MYH15: variants seen among roughly 807,000 people sequenced by gnomAD.
The protein encoded by MYH15 is myosin heavy chain 15, also known as myosin-15.
In MYH15, 227 loss-of-function variants were observed where a neutral mutation model predicts 240.5. The observed-to-expected ratio is 0.94, with a 90% CI of 0.85 to 1.05. The LOEUF (loss-of-function observed/expected upper bound fraction) is 1.05. Ranked by LOEUF, MYH15 falls within the 50% of genes least tolerant of loss-of-function variation. The probability of loss-of-function intolerance (pLI) is 0.00; values close to 1 mark genes in which losing one functional copy is unlikely to be tolerated. For missense variants in MYH15, 2,217 were observed against 2,247.5 expected (o/e 0.99, Z 0.27); for synonymous variants, 785 against 796.7 (o/e 0.99, Z 0.25).
chr3:108,445,093 T>C (rs574277051), intron 21 of MYH15, among the ~76,000 whole-genome samples, 198 bp from the exon 22 acceptor site: 5 of 152,332 alleles, frequency 3.3e-5, no homozygotes, highest in African/African-American at 1.2e-4. Flanking sequence ...AGCAGTATTA[T>C]GGACTAGATA....
intron 22 of MYH15, among the ~76,000 whole-genome samples, chr3:108,442,517 T>C (rs1172052075): frequency 1.3e-5 from 2 of 152,150 alleles, no homozygotes; most frequent in Non-Finnish European, 2.9e-5. Context: ...GAACAGTTTT[T>C]GCTGCATTCC....
the MYH15 span, chr3:108,549,903 T>G: frequency 6.6e-6 from 1 of 152,060 alleles, no homozygotes; most frequent in Non-Finnish European, 1.5e-5. Flanking sequence ...GTCTTATCTA[T>G]CCACTTAAAC....
At chr3:108,446,758 C>T (rs1010475971) in intron 21 of MYH15, among the ~76,000 whole-genome samples, 172 of 152,262 alleles carry the variant, frequency 1.1e-3, no homozygotes, top group Non-Finnish European at 1.9e-3. Flanking sequence ...CAAAGCCAGT[C>T]CATAAACATG....
intron 6 of MYH15, among the ~76,000 whole-genome samples, chr3:108,496,090 A>G (rs994066014): frequency 1.8e-4 from 27 of 152,224 alleles, no homozygotes; most frequent in African/African-American, 6.5e-4. Flanking sequence ...AATATGTGGG[A>G]GCTCGTTTAT....
chr3:108,531,226 T>C (rs77590199), upstream of MYH15, among the ~76,000 whole-genome samples: 2,004 of 152,258 alleles, frequency 0.013, 45 homozygotes, highest in African/African-American at 0.046. Context: ...AGAAAGATAT[T>C]ATTATTTTTA....
At chr3:108,468,761 G>C (rs1209165515) in intron 14 of MYH15, among the ~76,000 whole-genome samples, 1 of 152,198 alleles carries the variant, frequency 6.6e-6, no homozygotes, top group African/African-American at 2.4e-5. Flanking sequence ...AACATTCACA[G>C]AACTTGTCAG....
In MYH15 at chr3:108,381,519, C is replaced by CTGT; in HGVS notation, c.*23_*25dup. On this transcript the variant is annotated 3_prime_UTR_variant, in exon 41 of 41. Coordinates refer to ENST00000693548, the MANE Select transcript of MYH15 (RefSeq NM_014981.3). ...CAGCACCTTCCTTGTACTTCTCCAG[C>CTGT]TGTTGTCCTTTCAAAGCAGGGGATG... is the stretch of plus-strand genomic sequence containing the variant. The CTGT allele has an allele frequency of 6.2e-7, 1 of 1,612,920 alleles. No individual in the cohort carries two copies. Among genetic ancestry groups the CTGT allele is most frequent in the Non-Finnish European group, 8.5e-7 (1 of 1,178,934 alleles).
intron 11 of MYH15, among the ~76,000 whole-genome samples, chr3:108,483,644 T>C (rs1318205606): frequency 6.6e-6 from 1 of 152,218 alleles, no homozygotes; most frequent in Non-Finnish European, 1.5e-5. Flanking sequence ...ATTTATATAC[T>C]AACATTCATA....
rs1422505188 is a variant in MYH15 at position 108,394,835 on chromosome 3, AG to A, written c.5134-680del. Among the ~76,000 whole-genome samples, 11 of 152,284 alleles carry A rather than the reference AG, an allele frequency of 7.2e-5. No homozygotes were observed. The East Asian group carries it at 9.6e-4, about 13-fold the overall frequency. On this transcript the variant is annotated intron_variant, in intron 35 of 40. Coordinates refer to ENST00000693548, the MANE Select transcript of MYH15 (RefSeq NM_014981.3). ...CTGTGTTTGAAGCCCAGCTTTTCTG[AG>A]GGTGTGAAAACTCGCAGTGTATATA...
chr3:108,422,339 C>T (rs1236542649), intron 27 of MYH15, among the ~76,000 whole-genome samples: 3 of 151,738 alleles, frequency 2.0e-5, no homozygotes, highest in Non-Finnish European at 4.4e-5. Context: ...TGCCTCAGCC[C>T]CCTGAGTAGG....
In MYH15 at chr3:108,495,804, C is replaced by T; in HGVS notation, c.687G>A (p.Leu229=). 6.2e-7 allele frequency: 1 copy of T among 1,611,830 alleles called. No individual in the cohort carries two copies. The highest frequency in any genetic ancestry group is 1.7e-4 in the Middle Eastern group (1 of 6,060). Reference sequence around the variant, plus strand: ...CAAAACGAGAGGAGTTGTCATTTCTCAGGGTTTTAGCATTTCCAAATGCTT... The same window carrying T: ...CAAAACGAGAGGAGTTGTCATTTCTTAGGGTTTTAGCATTTCCAAATGCTT... ...ILEAFGNAKT[L]RNDNSSRFGK... The change falls in exon 7 of 41, where the codon CTG becomes CTA. Residue 229 remains leucine (L), a synonymous_variant. Coordinates refer to ENST00000693548, the MANE Select transcript of MYH15 (RefSeq NM_014981.3).
At chr3:108,470,315 C>G in intron 13 of MYH15, 103 bp from the exon 14 acceptor site, 1 of 769,746 alleles carries the variant, frequency 1.3e-6, no homozygotes, top group Non-Finnish European at 2.0e-6. Context: ...ATTATATGAT[C>G]AGAAATAGAC....
In MYH15 at chr3:108,470,688, A is replaced by G; in HGVS notation, c.1383+10T>C. ...TATGCATTGACTTCCTTCTTACCAG[A>G]TACACTTACCTCAAGGATTTCAAAA... On this transcript the variant is annotated intron_variant, in intron 13 of 40. Transcript: ENST00000693548. 6.2e-7 allele frequency: 1 copy of G among 1,612,894 alleles called. No individual in the cohort carries two copies. Among genetic ancestry groups the G allele is most frequent in the South Asian group, 1.1e-5 (1 of 90,938 alleles).
chr3:108,507,497 C>A (rs2083487955), intron 1 of MYH15, among the ~76,000 whole-genome samples: 1 of 152,046 alleles, frequency 6.6e-6, no homozygotes, highest in East Asian at 1.9e-4. Context: ...CTAGAGAGGG[C>A]TCACTGCCGC....
In MYH15 at chr3:108,486,315, C is replaced by T. The variant is rs142915657; in HGVS notation, c.975+108G>A. On this transcript the variant is annotated intron_variant, in intron 10 of 40. Coordinates refer to ENST00000693548, the MANE Select transcript of MYH15 (RefSeq NM_014981.3). ...GGACAGAAGCAGCCCTACACCCCTA[C>T]GGAAGCAAGACCACTTCTCTGGGTC... 2,531 of 795,996 alleles carry T rather than the reference C, an allele frequency of 3.2e-3. 24 individuals are homozygous for T. Among genetic ancestry groups the T allele is most frequent in the African/African-American group, 0.024 (1,395 of 58,660 alleles). The allele number at this position is 795,996 out of a possible 1,614,324, so 49.3% of individuals were successfully genotyped here.
At chr3:108,466,549 G>A (rs1338163029) in intron 14 of MYH15, among the ~76,000 whole-genome samples, 1 of 152,146 alleles carries the variant, frequency 6.6e-6, no homozygotes, top group Non-Finnish European at 1.5e-5. Flanking sequence ...GCTCCCATGT[G>A]TTAGATCCCT....
Position 108,452,851 on chromosome 3 carries a change from C to T in MYH15, c.2399+1155G>A, listed in dbSNP as rs56808672. On this transcript the variant is annotated intron_variant, in intron 21 of 40. Transcript: ENST00000693548. Reference sequence around the variant, plus strand: ...ATATTGAGTTGGCTGGGTGCCATGGCCCATGCCTGTAATCTCAGCAATTTG... The same window carrying T: ...ATATTGAGTTGGCTGGGTGCCATGGTCCATGCCTGTAATCTCAGCAATTTG... 2.1e-3 allele frequency among the ~76,000 whole-genome samples: 316 copies of T among 152,078 alleles called. 1 individual carries two copies. Among genetic ancestry groups the T allele is most frequent in the African/African-American group, 7.1e-3 (294 of 41,494 alleles).
intron 19 of MYH15, 22 bp downstream of exon 19, chr3:108,456,744 G>C (rs565237564): frequency 2.4e-4 from 373 of 1,547,322 alleles, no homozygotes; most frequent in Non-Finnish European, 3.2e-4. Context: ...CAGGCTTCTT[G>C]GATCCTAGAA....
chr3:108,414,407 C>A lies in MYH15; in HGVS notation c.3970G>T (p.Ala1324Ser). The A allele has an allele frequency of 6.2e-7, 1 of 1,614,054 alleles. No homozygotes were observed. The highest frequency in any genetic ancestry group is 8.5e-7 in the Non-Finnish European group (1 of 1,180,000). The change falls in exon 30 of 41, where the codon GCC becomes TCC. Residue 1324 changes from alanine to serine, a missense_variant. Physicochemically the swap from Ala to Ser is moderately conservative, Grantham distance 99. Transcript: ENST00000693548. ...ETKSQSALAH[A>S]LQKAQRDCDL... ...CAGTCACGCTGAGCCTTCTGCAGGG[C>A]ATGGGCCAGGGCACTCTGGGACTGT...
Sources: allele counts gnomAD v4.1 joint callset (sites outside exome capture counted in the v4.1 genomes callset), GRCh38; gene constraint gnomAD v4.1.1; transcripts MANE v1.5; gene names NCBI Gene and HGNC (gene_info 2026-07-23, HGNC 2026-07-21).